The following COPB2 variants were observed in gnomAD, a reference collection of about 807,000 sequenced individuals.
COPB2 encodes the protein coat protein complex I subunit beta 2.
In COPB2, 16 loss-of-function variants were observed where a neutral mutation model predicts 120.8. The observed-to-expected ratio is 0.13, with a 90% confidence interval of 0.09 to 0.20. COPB2 has a LOEUF of 0.20. COPB2 is among the 10% of genes least tolerant of loss of function. The pLI, the probability that COPB2 is intolerant of heterozygous loss-of-function variation, is 1.00. For missense variants in COPB2, 794 were observed against 1,076.5 expected (o/e 0.74, Z 3.67); for synonymous variants, 332 against 366.3 (o/e 0.91, Z 1.07).
chr3:139,359,388 G>A (rs578232911), intron 17 of COPB2, 26 bp from the exon 18 acceptor site: 1 of 1,599,602 alleles, frequency 6.3e-7, no homozygotes, highest in Non-Finnish European at 8.6e-7. Flanking sequence ...GAGAGGTACT[G>A]TTACCAAGAA....
chr3:139,364,139 A>T (rs1423711647), intron 15 of COPB2, among the ~76,000 whole-genome samples: 4 of 152,222 alleles, frequency 2.6e-5, no homozygotes, highest in Non-Finnish European at 5.9e-5. Context: ...GGAGGAATAT[A>T]AACATTTTGT....
intron 3 of COPB2, 101 bp from the exon 4 acceptor site, chr3:139,379,274 T>C (rs1303689617): frequency 3.2e-6 from 5 of 1,555,462 alleles, no homozygotes; most frequent in Admixed American, 1.7e-5. Flanking sequence ...CCTCAAAACA[T>C]TGCTGTAAAT....
chr3:139,383,369 G>A lies in COPB2; in HGVS notation c.70C>T (p.His24Tyr). Residue 24 changes from histidine to tyrosine, a missense_variant, in exon 2 of 22, where the codon CAT (histidine) becomes TAT (tyrosine). Coordinates refer to ENST00000333188, the MANE Select transcript of COPB2 (RefSeq NM_004766.3). Reference protein sequence around the residue: ...RSDRVKSVDLHPTEPWMLASL... With the variant: ...RSDRVKSVDLYPTEPWMLASL... ...GCCAACATCCATGGCTCTGTAGGAT[G>A]CAGATCCACACTCTTAACTCGATCA... The A allele has an allele frequency of 6.2e-7, 1 of 1,612,604 alleles. No homozygotes were observed. The highest frequency in any genetic ancestry group is 2.2e-5 in the East Asian group (1 of 44,774).
intron 21 of COPB2, 60 bp downstream of exon 21, chr3:139,358,140 C>G: frequency 6.8e-7 from 1 of 1,465,840 alleles, no homozygotes; most frequent in Non-Finnish European, 9.6e-7. Context: ...ACGTATCCTC[C>G]AGATATTGAT....
At chr3:139,359,427 C>T (rs1941368260) in intron 17 of COPB2, 65 bp from the exon 18 acceptor site, 2 of 1,480,754 alleles carry the variant, frequency 1.4e-6, no homozygotes, top group South Asian at 1.2e-5. Flanking sequence ...GTACTTAACA[C>T]AAAGTAAATT....
chr3:139,364,427 G>C (rs1941480511), intron 15 of COPB2, among the ~76,000 whole-genome samples: 1 of 152,084 alleles, frequency 6.6e-6, no homozygotes. Context: ...AAAAAGTACA[G>C]AGTATCAAAG....
intron 3 of COPB2, 49 bp downstream of exon 3, chr3:139,379,331 C>A: frequency 6.3e-7 from 1 of 1,589,000 alleles, no homozygotes; most frequent in Non-Finnish European, 8.6e-7. Context: ...TTTACACAAT[C>A]ATTGACCAAT....
rs199888455 is a variant in COPB2 at position 139,357,844 on chromosome 3, T to G, written c.*19A>C. The G allele has an allele frequency of 5.1e-6, 7 of 1,372,206 alleles. No individual in the cohort carries two copies. Among genetic ancestry groups the G allele is most frequent in the Non-Finnish European group, 7.2e-6 (7 of 972,562 alleles). 85.0% of individuals were successfully genotyped at this position (1,372,206 alleles called of 1,614,324 possible). A position where few individuals can be genotyped will look rare whatever the true frequency, so the allele number is the denominator to read the frequency against. ...TATAATAATGATCTGTTTAGTCAGGTAAATGGAAAGCATTACAGTCAATCA... is the reference window on the plus strand; with the variant it reads ...TATAATAATGATCTGTTTAGTCAGGGAAATGGAAAGCATTACAGTCAATCA... On this transcript the variant is annotated 3_prime_UTR_variant, in exon 22 of 22. Coordinates refer to ENST00000333188, the MANE Select transcript of COPB2 (RefSeq NM_004766.3).
chr3:139,380,088 T>C (rs1409128627), intron 2 of COPB2: 1 of 144,748 alleles, frequency 6.9e-6, no homozygotes, highest in Non-Finnish European at 1.5e-5. Flanking sequence ...CTTGGCTCAC[T>C]GCGACCTCCG....
Position 139,373,865 on chromosome 3 carries a change from G to A in COPB2, c.752-57C>T, listed in dbSNP as rs975821129. On this transcript the variant is annotated intron_variant, in intron 7 of 21. Transcript: ENST00000333188. ...ATACAAACATCCGACAATAAACTGT[G>A]TCAGGTGAAAGAGACCCATAGAAGT... The A allele has an allele frequency of 8.1e-6, 13 of 1,599,222 alleles. No homozygotes were observed. In the African/African-American group the frequency reaches 1.5e-4, roughly 18 times the overall value.
intron 6 of COPB2, 73 bp downstream of exon 6, chr3:139,375,395 A>C (rs1233670064): frequency 2.7e-6 from 4 of 1,473,368 alleles, no homozygotes; most frequent in Non-Finnish European, 3.7e-6. Context: ...CAACAACCCA[A>C]GTCTTAACTG....
At chr3:139,383,582 A>T in intron 1 of COPB2, 147 bp from the exon 2 acceptor site, 1 of 681,848 alleles carries the variant, frequency 1.5e-6, no homozygotes, top group Non-Finnish European at 2.3e-6. Flanking sequence ...CTAAGCACTT[A>T]TTTCTTCATT....
intron 8 of COPB2, 26 bp downstream of exon 8, chr3:139,373,640 C>T (rs1941662898): frequency 1.2e-6 from 2 of 1,613,460 alleles, no homozygotes; most frequent in African/African-American, 1.3e-5. Flanking sequence ...CCTATGTCCA[C>T]CTACTGAGAG....
Position 139,383,368 on chromosome 3 carries a change from T to A in COPB2, c.71A>T (p.His24Leu). The change falls in exon 2 of 22, where the codon CAT becomes CTT. Residue 24 changes from histidine to leucine, a missense_variant. His to Leu is a moderately conservative substitution (Grantham distance 99). Around this residue, in one of 3 missense-constraint regions of COPB2, gnomAD observed 610 missense variants for 866.7 expected, o/e 0.70. Coordinates refer to ENST00000333188, the MANE Select transcript of COPB2 (RefSeq NM_004766.3). ...RSDRVKSVDLHPTEPWMLASL... is the reference protein window; with the variant it reads ...RSDRVKSVDLLPTEPWMLASL... ...TGCCAACATCCATGGCTCTGTAGGA[T>A]GCAGATCCACACTCTTAACTCGATC... 1 of 1,613,004 alleles carries A rather than the reference T, an allele frequency of 6.2e-7. No homozygotes were observed. The highest frequency in any genetic ancestry group is 8.5e-7 in the Non-Finnish European group (1 of 1,179,538).
At chr3:139,374,208 C>A in intron 7 of COPB2, 1 of 445,632 alleles carries the variant, frequency 2.2e-6, no homozygotes. Flanking sequence ...GTTTGTTTGA[C>A]TCCAAAGCAC....
At chr3:139,362,738 A>T (rs1941448053) in intron 15 of COPB2, among the ~76,000 whole-genome samples, 1 of 152,212 alleles carries the variant, frequency 6.6e-6, no homozygotes, top group African/African-American at 2.4e-5. Flanking sequence ...ATATTCAGTG[A>T]CAGAATTCTT....
chr3:139,373,540 A>T, intron 8 of COPB2, 126 bp downstream of exon 8: 3 of 1,499,838 alleles, frequency 2.0e-6, no homozygotes, highest in Non-Finnish European at 2.7e-6. Context: ...TTCATTGCTT[A>T]ATGTCTAGTG....
At position 139,383,558 on chromosome 3, in the gene COPB2, A is replaced by C. The variant is rs1941853516; in HGVS notation, c.4-123T>G. 4 of 866,524 alleles carry C rather than the reference A, an allele frequency of 4.6e-6. No homozygotes were observed. In the African/African-American group the frequency reaches 6.9e-5, roughly 15 times the overall value. 53.7% of individuals were successfully genotyped at this position (866,524 alleles called of 1,614,324 possible). ...CAGCTACTACTTTGCTAAGCTTTTG[A>C]AACAGTTTCAAGTCTAAGCACTTAT... On this transcript the variant is annotated intron_variant, in intron 1 of 21. Transcript: ENST00000333188.
intron 2 of COPB2, chr3:139,382,899 G>A (rs1941839756): frequency 5.2e-6 from 1 of 193,036 alleles, no homozygotes; most frequent in Non-Finnish European, 1.1e-5. Context: ...CTGAGTGAAA[G>A]ATTTATCTGT....
Sources: gnomAD v4.1 joint callset for allele counts (sites outside exome capture counted in the v4.1 genomes callset) on GRCh38, gnomAD v4.1.1 for gene constraint, gnomAD v4.1.1 regional missense constraint, MANE v1.5 for transcripts, NCBI Gene and HGNC (gene_info 2026-07-23, HGNC 2026-07-21) for gene names.